The following C17orf78 variants were observed in gnomAD, a reference collection of about 807,000 sequenced individuals.
The protein encoded by C17orf78 is uncharacterized protein C17orf78.
Under a neutral mutation model 31.8 loss-of-function variants are expected in C17orf78, and 27 were observed. The ratio of observed to expected loss-of-function variants is 0.85; its 90% CI spans 0.63 to 1.17. C17orf78 has a LOEUF of 1.17. Ranked by LOEUF, C17orf78 falls within the 50% of genes most tolerant of loss-of-function variation. The probability of loss-of-function intolerance (pLI) is 0.00; values close to 1 mark genes in which losing one functional copy is unlikely to be tolerated. For synonymous variants in C17orf78, 106 were observed against 115.1 expected, an observed-to-expected ratio of 0.92 and a Z score of 0.51; for missense variants, 258 against 315.2, an observed-to-expected ratio of 0.82 and a Z score of 1.37.
At chr17:37,388,383 G>A (rs180890825) in intron 4 of C17orf78, among the ~76,000 whole-genome samples, 239 of 152,158 alleles carry the variant, frequency 1.6e-3, no homozygotes, top group African/African-American at 5.5e-3. Flanking sequence ...TTCTTCCTGC[G>A]AGCAGTGTAA....
chr17:37,385,957 G>C, intron 3 of C17orf78, 52 bp from the exon 4 acceptor site: 1 of 1,249,486 alleles, frequency 8.0e-7, no homozygotes, highest in East Asian at 2.5e-5. Context: ...TAAAACCAAA[G>C]GCAGGATAAA....
At chr17:37,378,762 C>G (rs2050114249) in intron 2 of C17orf78, among the ~76,000 whole-genome samples, 1 of 151,176 alleles carries the variant, frequency 6.6e-6, no homozygotes, top group Non-Finnish European at 1.5e-5. Flanking sequence ...GCCTGGACCA[C>G]AAGAGCAAAC....
At position 37,376,144 on chromosome 17, in the gene C17orf78, A is replaced by G. The variant is rs2049992698; in HGVS notation, c.52A>G (p.Lys18Glu). The change falls in exon 1 of 7, where the codon AAG becomes GAG. Residue 18 changes from lysine (K) to glutamate (E), a missense_variant. Transcript: ENST00000615133. ...AATCATTGCATCCTATGATGCCAAC[A>G]AGAAAGGTATGTAATTCTCTAGCCT... The part of the protein sequence containing the change: ...SLIIASYDAN[K>E]KDLRDSSCRL... The G allele has an allele frequency of 1.2e-6, 2 of 1,610,722 alleles. No homozygotes were observed. Among genetic ancestry groups the G allele is most frequent in the African/African-American group, 2.7e-5 (2 of 74,858 alleles).
At chr17:37,389,434 C>A in intron 6 of C17orf78, 72 bp downstream of exon 6, 1 of 1,516,936 alleles carries the variant, frequency 6.6e-7, no homozygotes, top group Admixed American at 2.0e-5. Flanking sequence ...TGGTGGCTCA[C>A]ACCTCTATTC....
In C17orf78 at chr17:37,378,603, C is replaced by T. The variant is rs188470274; in HGVS notation, c.146-534C>T. 1.6e-3 allele frequency among the ~76,000 whole-genome samples: 249 copies of T among 152,294 alleles called. 1 individual carries two copies. Among genetic ancestry groups the T allele is most frequent in the Non-Finnish European group, 2.2e-3 (152 of 68,028 alleles). ...TGGTGCACGCCTGTAACCCCAGCTA[C>T]CTGGGAGGCTGAGGCAGGAGAATCA... On this transcript the variant is annotated intron_variant, in intron 2 of 6. Transcript: ENST00000615133.
chr17:37,381,619 C>T (rs1378815167), intron 3 of C17orf78, among the ~76,000 whole-genome samples: 2 of 150,020 alleles, frequency 1.3e-5, no homozygotes, highest in Non-Finnish European at 3.0e-5. Context: ...TATGTCTCTT[C>T]CATAGTCTTT....
rs757400455 is a variant in C17orf78, at chr17:37,379,148, G to A, written c.157G>A (p.Glu53Lys). 1 of 1,612,760 alleles carries A rather than the reference G, an allele frequency of 6.2e-7. No homozygotes were observed. The highest frequency in any genetic ancestry group is 8.5e-7 in the Non-Finnish European group (1 of 1,179,436). ...TCTTCTCCTTCCAGAAACTCACACAGAAACCAAAAGGACAACATTCATTCA... is the reference window on the plus strand; with the variant it reads ...TCTTCTCCTTCCAGAAACTCACACAAAAACCAAAAGGACAACATTCATTCA... ...RELQMQETHTETKRTTFIQNR... is the reference protein window; with the variant it reads ...RELQMQETHTKTKRTTFIQNR... Residue 53 changes from glutamate to lysine, a missense_variant, in exon 3 of 7, where the codon GAA becomes AAA. Glu to Lys is a moderately conservative substitution (Grantham distance 56). Coordinates refer to ENST00000615133, the MANE Select transcript of C17orf78 (RefSeq NM_173625.5).
At chr17:37,381,690 C>CAT (rs2050272118) in intron 3 of C17orf78, among the ~76,000 whole-genome samples, 1 of 140,274 alleles carries the variant, frequency 7.1e-6, no homozygotes, top group Non-Finnish European at 1.5e-5. Context: ...TGCAGTGGTG[C>CAT]GATCTCAGCT....
Position 37,392,046 on chromosome 17 carries a change from C to G in C17orf78, c.*322C>G. The stretch of plus-strand genomic sequence containing the variant: ...CTTTGACAGAAGACTCAAACACAGC[C>G]TCTAAGAAACAAGGCAGCTGTTAGT... On this transcript the variant is annotated 3_prime_UTR_variant, in exon 7 of 7. Transcript: ENST00000615133. 1 of 277,696 alleles carries G rather than the reference C, an allele frequency of 3.6e-6. No individual in the cohort carries two copies. The highest frequency in any genetic ancestry group is 6.3e-5 in the East Asian group (1 of 15,820). The allele number at this position is 277,696 out of a possible 1,614,324, so 17.2% of individuals were successfully genotyped here. A position where few individuals can be genotyped will look rare whatever the true frequency, so the allele number is the denominator to read the frequency against.
chr17:37,387,663 C>G (rs943694044), intron 4 of C17orf78: 1 of 152,044 alleles, frequency 6.6e-6, no homozygotes, highest in African/African-American at 2.4e-5. Context: ...CCAGGCTGGT[C>G]TCAAACTCCT....
chr17:37,376,524 T>C (rs72828231), intron 1 of C17orf78, among the ~76,000 whole-genome samples: 5,486 of 152,308 alleles, frequency 0.036, 128 homozygotes, highest in Non-Finnish European at 0.053. Context: ...TGTAAATAGC[T>C]AGACGGTGAT....
At chr17:37,386,272 A>G (rs920776632) in intron 4 of C17orf78, 147 bp downstream of exon 4, 13 of 598,538 alleles carry the variant, frequency 2.2e-5, no homozygotes, top group Middle Eastern at 8.8e-4. Flanking sequence ...ACATTGAAAA[A>G]TCATTCAATT....
intron 6 of C17orf78, among the ~76,000 whole-genome samples, chr17:37,391,064 C>T (rs959336996): frequency 1.3e-5 from 2 of 151,998 alleles, no homozygotes; most frequent in Non-Finnish European, 2.9e-5. Flanking sequence ...CAAGGTGAAA[C>T]TGTCTCAACT....
At chr17:37,380,904 T>TCTATA (rs1568079850) in intron 3 of C17orf78, among the ~76,000 whole-genome samples, 1 of 151,674 alleles carries the variant, frequency 6.6e-6, no homozygotes, top group African/African-American at 2.4e-5. Flanking sequence ...CCAGGTTTTT[T>TCTATA]TTTTTTTTAA....
At chr17:37,378,895 T>TTTAAAAAA (rs1470281544) in intron 2 of C17orf78, among the ~76,000 whole-genome samples, 1 of 152,046 alleles carries the variant, frequency 6.6e-6, no homozygotes, top group Non-Finnish European at 1.5e-5. Flanking sequence ...GACCCTGTCT[T>TTTAAAAAA]TTAAAAAATT....
Position 37,386,087 on chromosome 17 carries a change from C to T in C17orf78, c.470C>T (p.Thr157Ile). ...TTTCCCACCACTGCCCCTTCTATAA[C>T]TCCTGGGAATAAAGAAGGAGAGAAA... ...ETFPTTAPSI[T>I]PGNKEGEKTT... is the part of the protein sequence containing the mutation. The change falls in exon 4 of 7, where the codon ACT becomes ATT. Residue 157 changes from threonine to isoleucine, a missense_variant. By Grantham distance (89) the Thr-to-Ile change is moderately conservative. Transcript: ENST00000615133. The T allele has an allele frequency of 6.3e-7, 1 of 1,598,834 alleles. No individual in the cohort carries two copies. The highest frequency in any genetic ancestry group is 8.6e-7 in the Non-Finnish European group (1 of 1,168,668).
intron 3 of C17orf78, among the ~76,000 whole-genome samples, chr17:37,382,795 G>A (rs564637527): frequency 6.6e-6 from 1 of 152,210 alleles, no homozygotes; most frequent in African/African-American, 2.4e-5. Context: ...AGGATGCAGA[G>A]GTTGTAGGGA....
chr17:37,385,218 C>A (rs1036045728), intron 3 of C17orf78, among the ~76,000 whole-genome samples: 1 of 152,014 alleles, frequency 6.6e-6, no homozygotes, highest in African/African-American at 2.4e-5. Context: ...ATGTCTGTAA[C>A]CCCAGCACTT....
At chr17:37,386,314 G>A (rs890541281) in intron 4 of C17orf78, among the ~76,000 whole-genome samples, 189 bp downstream of exon 4, 3 of 151,992 alleles carry the variant, frequency 2.0e-5, no homozygotes, top group Non-Finnish European at 2.9e-5. Context: ...TCTCTAGGCC[G>A]GGTGCTGTGG....
Sources: allele counts gnomAD v4.1 joint callset (sites outside exome capture counted in the v4.1 genomes callset), GRCh38; gene constraint gnomAD v4.1.1; transcripts MANE v1.5; gene names NCBI Gene and HGNC (gene_info 2026-07-23, HGNC 2026-07-21).